GRM8: variants seen among roughly 807,000 people sequenced by gnomAD.
GRM8 encodes glutamate metabotropic receptor 8.
GRM8 carries 47 observed loss-of-function variants against 87.2 expected under a neutral mutation model. The observed-to-expected ratio is 0.54, with a 90% CI of 0.43 to 0.69. The LOEUF is 0.69. GRM8 is among the 30% of genes least tolerant of loss of function. The pLI is 0.00. For missense variants in GRM8, 1,019 were observed against 1,139.2 expected (o/e 0.89, Z 1.52); for synonymous variants, 396 against 404.5 (o/e 0.98, Z 0.25).
intron 8 of GRM8, among the ~76,000 whole-genome samples, chr7:126,556,265 T>C (rs945015866): frequency 5.3e-5 from 8 of 150,638 alleles, no homozygotes; most frequent in Non-Finnish European, 1.2e-4. Context: ...TAGTACCTAC[T>C]ATTGTAAATC....
intron 6 of GRM8, among the ~76,000 whole-genome samples, chr7:126,772,652 G>A (rs1481587890): frequency 1.3e-5 from 2 of 152,038 alleles, no homozygotes; most frequent in Non-Finnish European, 2.9e-5. Flanking sequence ...ATTGAAGTAT[G>A]AAAATAAAAA....
chr7:126,938,927 G>A (rs1192501508), intron 3 of GRM8, among the ~76,000 whole-genome samples: 1 of 152,122 alleles, frequency 6.6e-6, no homozygotes, highest in Non-Finnish European at 1.5e-5. Context: ...CTGACCTTCA[G>A]CTACTTACCT....
chr7:127,002,855 C>G (rs1813870157), intron 3 of GRM8, among the ~76,000 whole-genome samples: 2 of 151,670 alleles, frequency 1.3e-5, no homozygotes, highest in Non-Finnish European at 1.5e-5. Context: ...AGTTCACTTT[C>G]TCTAGTGATC....
At chr7:127,055,982 G>GT (rs1819946180) in intron 3 of GRM8, among the ~76,000 whole-genome samples, 1 of 152,046 alleles carries the variant, frequency 6.6e-6, no homozygotes, top group African/African-American at 2.4e-5. Flanking sequence ...CTCAGCTCAG[G>GT]TATGACTGAA....
chr7:126,997,499 G>T (rs1453967505), intron 3 of GRM8, among the ~76,000 whole-genome samples: 4 of 145,288 alleles, frequency 2.8e-5, no homozygotes, highest in East Asian at 2.1e-4. Context: ...CCAGAAGTTT[G>T]TTTTTTTTAA....
intron 3 of GRM8, among the ~76,000 whole-genome samples, chr7:127,088,645 G>T (rs191942669): frequency 6.6e-6 from 1 of 152,160 alleles, no homozygotes; most frequent in Non-Finnish European, 1.5e-5. Context: ...TACGTAGAAC[G>T]CAGTGGTGTC....
intron 7 of GRM8, among the ~76,000 whole-genome samples, chr7:126,639,117 T>C (rs753499975): frequency 1.3e-5 from 2 of 152,230 alleles, no homozygotes; most frequent in Non-Finnish European, 2.9e-5. Context: ...GCTATGAAAC[T>C]CTGAATCTTC....
At chr7:126,932,558 C>T (rs1340621654) in intron 3 of GRM8, among the ~76,000 whole-genome samples, 1 of 152,090 alleles carries the variant, frequency 6.6e-6, no homozygotes, top group East Asian at 1.9e-4. Context: ...AAAGAGTACA[C>T]TATCTTGCTA....
chr7:127,192,594 T>TA, intron 2 of GRM8, among the ~76,000 whole-genome samples: 1 of 152,216 alleles, frequency 6.6e-6, no homozygotes, highest in African/African-American at 2.4e-5. Context: ...CTGAGACACA[T>TA]AAAAAATATA....
chr7:126,708,011 T>C (rs1168659271), intron 7 of GRM8, among the ~76,000 whole-genome samples: 1 of 152,142 alleles, frequency 6.6e-6, no homozygotes, highest in African/African-American at 2.4e-5. Flanking sequence ...ATTCAAATTA[T>C]ATGAGAAATT....
chr7:126,839,652 G>A (rs1303583238), intron 6 of GRM8, among the ~76,000 whole-genome samples: 1 of 152,198 alleles, frequency 6.6e-6, no homozygotes, highest in Non-Finnish European at 1.5e-5. Context: ...GGGAATAGAA[G>A]AGAGCCACTG....
intron 2 of GRM8, among the ~76,000 whole-genome samples, chr7:127,133,157 C>T (rs1473265896): frequency 1.3e-5 from 2 of 151,572 alleles, no homozygotes; most frequent in South Asian, 2.1e-4. Context: ...CGGTGGCTCA[C>T]GCCTGTAATC....
At chr7:126,682,996 C>T (rs1317665649) in intron 7 of GRM8, among the ~76,000 whole-genome samples, 7 of 152,124 alleles carry the variant, frequency 4.6e-5, no homozygotes, top group Admixed American at 4.6e-4. Flanking sequence ...TTTCAGTGAA[C>T]CTAGATCGTG....
chr7:126,590,627 T>A (rs1796585054), intron 8 of GRM8, among the ~76,000 whole-genome samples: 1 of 152,106 alleles, frequency 6.6e-6, no homozygotes. Flanking sequence ...GAGGCAAAAG[T>A]GCCATGTAAC....
At chr7:126,845,437 CTTTTT>C (rs556751070) in intron 6 of GRM8, among the ~76,000 whole-genome samples, 1 of 151,912 alleles carries the variant, frequency 6.6e-6, no homozygotes, top group African/African-American at 2.4e-5. Context: ...TAGTCTTATC[CTTTTT>C]TTTATCCCAA....
chr7:126,898,750 T>C (rs1233365865), intron 6 of GRM8, among the ~76,000 whole-genome samples: 1 of 152,180 alleles, frequency 6.6e-6, no homozygotes, highest in African/African-American at 2.4e-5. Context: ...ATACCTCAAC[T>C]GAACTTAGAA....
intron 2 of GRM8, among the ~76,000 whole-genome samples, chr7:127,148,565 C>A (rs1828674176): frequency 6.6e-6 from 1 of 151,892 alleles, no homozygotes; most frequent in South Asian, 2.1e-4. Flanking sequence ...CCAGGATAGA[C>A]CATATGTTAG....
chr7:126,473,715 C>A (rs1411168830), intron 9 of GRM8, among the ~76,000 whole-genome samples: 2 of 152,156 alleles, frequency 1.3e-5, no homozygotes, highest in Non-Finnish European at 2.9e-5. Flanking sequence ...CAAATCTTAT[C>A]TTGAATTATA....
At chr7:126,789,446 C>A (rs1406856025) in intron 6 of GRM8, among the ~76,000 whole-genome samples, 1 of 152,140 alleles carries the variant, frequency 6.6e-6, no homozygotes. Context: ...GCTGCCCCGA[C>A]AGACGACAGG....
Sources: allele counts gnomAD v4.1 joint callset (sites outside exome capture counted in the v4.1 genomes callset), GRCh38; gene constraint gnomAD v4.1.1; transcripts MANE v1.5; gene names NCBI Gene and HGNC (gene_info 2026-07-23, HGNC 2026-07-21).